Variants in ARHGAP26 observed in about 807,000 individuals in gnomAD.
The protein encoded by ARHGAP26 is Rho GTPase activating protein 26.
Under a neutral mutation model 104.8 loss-of-function variants are expected in ARHGAP26, and 38 were observed. That is an observed-to-expected ratio of 0.36 (90% CI 0.28 to 0.48). The LOEUF (loss-of-function observed/expected upper bound fraction) is 0.48, where lower values mean the gene tolerates loss of function less well. Ranked by LOEUF, ARHGAP26 falls within the 20% of genes least tolerant of loss-of-function variation. ARHGAP26 has a pLI of 0.99. For synonymous variants in ARHGAP26, 341 were observed against 340.0 expected (o/e 1.00, Z -0.03); for missense variants, 704 against 947.9 (o/e 0.74, Z 3.38).
rs1755334959 is a variant in ARHGAP26 at position 142,871,710 on chromosome 5, T to G, written c.155-1690T>G. On this transcript the variant is annotated intron_variant, in intron 1 of 22. Coordinates refer to ENST00000645722, the MANE Select transcript of ARHGAP26 (RefSeq NM_001135608.3). This position sits in a 1 kb window ranked among gnomAD's most constrained non-coding sequence, Gnocchi z 4.1. ...CTGGCTTTTGGGTGCATCTGTTTCCTTCCTGGCTTGCCTTTTGTGATTTGT... is the reference window on the plus strand; with the variant it reads ...CTGGCTTTTGGGTGCATCTGTTTCCGTCCTGGCTTGCCTTTTGTGATTTGT... 6.6e-6 allele frequency among the ~76,000 whole-genome samples: 1 copy of G among 152,212 alleles called. No individual in the cohort carries two copies. The highest frequency in any genetic ancestry group is 2.1e-4 in the South Asian group (1 of 4,834).
At chr5:143,075,866 T>G (rs1327191558) in intron 17 of ARHGAP26, among the ~76,000 whole-genome samples, 2 of 151,864 alleles carry the variant, frequency 1.3e-5, no homozygotes, top group Non-Finnish European at 2.9e-5. Context: ...GCCCAGCTAA[T>G]TTTTGTATTT....
intron 11 of ARHGAP26, among the ~76,000 whole-genome samples, chr5:142,941,969 A>G (rs1766418176): frequency 1.3e-5 from 2 of 152,168 alleles, no homozygotes; most frequent in South Asian, 2.1e-4. Flanking sequence ...TGGGTAGTAA[A>G]GATACTAAGA....
At chr5:143,126,897 C>A (rs762190636) in intron 18 of ARHGAP26, among the ~76,000 whole-genome samples, 12 of 152,142 alleles carry the variant, frequency 7.9e-5, no homozygotes, top group Non-Finnish European at 1.6e-4. Context: ...CAAACTCACA[C>A]CTTATCACAC....
intron 17 of ARHGAP26, among the ~76,000 whole-genome samples, chr5:143,071,117 C>A (rs1310523933): frequency 6.6e-6 from 1 of 151,962 alleles, no homozygotes; most frequent in African/African-American, 2.4e-5. Context: ...TAAAAGCAGG[C>A]CTATAGACCA....
At chr5:142,939,109 G>A (rs1355664162) in intron 11 of ARHGAP26, among the ~76,000 whole-genome samples, 3 of 152,140 alleles carry the variant, frequency 2.0e-5, no homozygotes, top group East Asian at 1.9e-4. Flanking sequence ...AAGCCCACAC[G>A]TAAGTCAATA....
chr5:142,778,472 A>G (rs1007582318), intron 1 of ARHGAP26, among the ~76,000 whole-genome samples: 1 of 152,038 alleles, frequency 6.6e-6, no homozygotes. Flanking sequence ...GGATTATACT[A>G]TAAGGATTAT....
intron 19 of ARHGAP26, among the ~76,000 whole-genome samples, chr5:143,141,830 T>G (rs1472669549): frequency 6.6e-6 from 1 of 152,170 alleles, no homozygotes. Flanking sequence ...GGCCCATTCC[T>G]CCTTTGCGGT....
intron 19 of ARHGAP26, among the ~76,000 whole-genome samples, chr5:143,144,147 T>C (rs1798885871): frequency 6.6e-6 from 1 of 152,242 alleles, no homozygotes; most frequent in Non-Finnish European, 1.5e-5. Context: ...CTATAATTTT[T>C]TTCCTTCAGC....
chr5:142,907,828 TGTTTGA>T lies in ARHGAP26; in HGVS notation c.933+25_933+30del, dbSNP rs1761311643. 7 of 1,544,018 alleles carry T rather than the reference TGTTTGA, an allele frequency of 4.5e-6. No homozygotes were observed. In the East Asian group the frequency reaches 1.4e-4, roughly 30 times the overall value. Reference sequence around the variant, plus strand: ...GGGTGAGTTCATTTTTAAAATTTGATGTTTGATTTGCTTGGCTAACATATAATGATT... The same window carrying T: ...GGGTGAGTTCATTTTTAAAATTTGATTTTGCTTGGCTAACATATAATGATT... On this transcript the variant is annotated intron_variant, in intron 9 of 22. Transcript: ENST00000645722.
chr5:142,957,014 A>G (rs1177892811), intron 11 of ARHGAP26, among the ~76,000 whole-genome samples: 1 of 152,204 alleles, frequency 6.6e-6, no homozygotes, highest in Non-Finnish European at 1.5e-5. Context: ...TTGGGTGGAG[A>G]TACAGCCAAA....
At chr5:143,090,369 C>T (rs1791235593) in intron 17 of ARHGAP26, among the ~76,000 whole-genome samples, 1 of 152,240 alleles carries the variant, frequency 6.6e-6, no homozygotes, top group African/African-American at 2.4e-5. Flanking sequence ...ATATTTGATC[C>T]ATTCCAACCA....
intron 17 of ARHGAP26, among the ~76,000 whole-genome samples, chr5:143,106,466 C>CT (rs70991793): frequency 0.62 from 47,750 of 77,296 alleles, 16,079 homozygotes; most frequent in Admixed American, 0.69. Context: ...ATGCATTGGG[C>CT]TTTTTTTTTT....
intron 1 of ARHGAP26, among the ~76,000 whole-genome samples, chr5:142,787,223 T>A (rs866536355): frequency 2.2e-4 from 33 of 152,320 alleles, no homozygotes; most frequent in African/African-American, 7.7e-4. Context: ...CTGATGACAG[T>A]GTCAAGTGTC....
At chr5:142,856,735 T>G (rs900219487) in intron 1 of ARHGAP26, among the ~76,000 whole-genome samples, 7 of 152,158 alleles carry the variant, frequency 4.6e-5, no homozygotes, top group Non-Finnish European at 1.0e-4. Context: ...TTGTATTAGG[T>G]ATTGTAAGTA....
intron 11 of ARHGAP26, among the ~76,000 whole-genome samples, chr5:142,993,158 GTTTTTTTTTTTTT>G (rs746933068): frequency 1.9e-5 from 2 of 102,654 alleles, no homozygotes; most frequent in Admixed American, 1.1e-4. Context: ...TTTTTGTGTG[GTTTTTTTTTTTTT>G]TTTTTTTTTG....
chr5:143,144,675 T>C (rs918011193), intron 19 of ARHGAP26, among the ~76,000 whole-genome samples: 19 of 152,364 alleles, frequency 1.2e-4, no homozygotes, highest in Admixed American at 1.0e-3. Context: ...CTGAAGGCGA[T>C]GGGATTACAG....
intron 17 of ARHGAP26, among the ~76,000 whole-genome samples, chr5:143,082,105 T>C (rs1789925771): frequency 6.6e-6 from 1 of 152,146 alleles, no homozygotes; most frequent in African/African-American, 2.4e-5. Context: ...TGGAATACTG[T>C]ATTTTCTACT....
intron 11 of ARHGAP26, among the ~76,000 whole-genome samples, chr5:143,005,317 C>T (rs1270609267): frequency 6.6e-6 from 1 of 152,180 alleles, no homozygotes. Flanking sequence ...CGAAGTTGGC[C>T]TCAAAAGCTT....
intron 1 of ARHGAP26, among the ~76,000 whole-genome samples, chr5:142,782,869 CCTTGTAAGATAGTGGTT>C (rs1757801558): frequency 6.6e-6 from 1 of 152,138 alleles, no homozygotes; most frequent in African/African-American, 2.4e-5. Context: ...TTTAGAGTGT[CCTTGTAAGATAGTGGTT>C]CTTAAAAGTG....
Sources: allele counts gnomAD v4.1 joint callset (sites outside exome capture counted in the v4.1 genomes callset), GRCh38; gene constraint gnomAD v4.1.1; non-coding constraint Gnocchi (gnomAD v3.1); transcripts MANE v1.5; gene names NCBI Gene and HGNC (gene_info 2026-07-23, HGNC 2026-07-21).